The following FERRY3 variants were observed in gnomAD, a reference collection of about 807,000 sequenced individuals.
FERRY3 encodes protein C12orf4.
the FERRY3 span, among the ~76,000 whole-genome samples, chr12:4,492,130 C>T: frequency 1.3e-5 from 2 of 151,988 alleles, no homozygotes; most frequent in African/African-American, 4.8e-5. Flanking sequence ...TTATTGCATT[C>T]AGAATTAAAA....
chr12:4,527,149 T>C, the FERRY3 span, among the ~76,000 whole-genome samples: 2 of 152,144 alleles, frequency 1.3e-5, no homozygotes, highest in Admixed American at 1.3e-4. Flanking sequence ...ACATTACACA[T>C]GTTCCCTCTA....
At chr12:4,498,803 T>G in the FERRY3 span, among the ~76,000 whole-genome samples, 4 of 152,126 alleles carry the variant, frequency 2.6e-5, no homozygotes. Flanking sequence ...CATCAGGCAT[T>G]AGATTCTCAA....
At chr12:4,510,171 G>A in the FERRY3 span, among the ~76,000 whole-genome samples, 1 of 138,292 alleles carries the variant, frequency 7.2e-6, no homozygotes, top group African/African-American at 3.2e-5. Flanking sequence ...TGAATGAAAT[G>A]AAGCAAGAAG....
At chr12:4,499,120 A>T in the FERRY3 span, among the ~76,000 whole-genome samples, 1 of 152,172 alleles carries the variant, frequency 6.6e-6, no homozygotes, top group Non-Finnish European at 1.5e-5. Flanking sequence ...TCTTTTGGTA[A>T]ATAGCTATTT....
chr12:4,529,822 T>C, the FERRY3 span: 2 of 1,455,288 alleles, frequency 1.4e-6, no homozygotes, highest in East Asian at 2.4e-5. Flanking sequence ...GGCCATCTAT[T>C]TGACAACGTA....
chr12:4,504,787 A>C, the FERRY3 span, among the ~76,000 whole-genome samples: 1 of 152,190 alleles, frequency 6.6e-6, no homozygotes, highest in Non-Finnish European at 1.5e-5. Context: ...GATCTAGAAA[A>C]AAGTGAGTAC....
chr12:4,530,855 C>T, the FERRY3 span, among the ~76,000 whole-genome samples: 2 of 151,896 alleles, frequency 1.3e-5, no homozygotes, highest in African/African-American at 2.4e-5. Context: ...CTCAACTCAT[C>T]GGAGGAAACT....
At chr12:4,515,076 A>G in the FERRY3 span, among the ~76,000 whole-genome samples, 1 of 150,540 alleles carries the variant, frequency 6.6e-6, no homozygotes, top group Non-Finnish European at 1.5e-5. Flanking sequence ...AACTTAAAGT[A>G]TAATAATAAA....
At chr12:4,503,816 CT>C in the FERRY3 span, among the ~76,000 whole-genome samples, 3 of 151,786 alleles carry the variant, frequency 2.0e-5, no homozygotes, top group Admixed American at 1.3e-4. Flanking sequence ...AACCTATAGG[CT>C]TTTTCCAAAA....
the FERRY3 span, chr12:4,488,675 G>A: frequency 3.9e-5 from 6 of 152,248 alleles, no homozygotes; most frequent in Admixed American, 6.5e-5. The surrounding 1 kb of genome is among the most constrained non-coding windows in gnomAD (Gnocchi z 4.9). Context: ...AATGAAGGGC[G>A]TTTTGTTTCT....
At chr12:4,525,692 T>G in the FERRY3 span, 1 of 755,248 alleles carries the variant, frequency 1.3e-6, no homozygotes. Flanking sequence ...ATTTATTTTA[T>G]AGAAATGTGT....
chr12:4,495,237 C>T, the FERRY3 span, among the ~76,000 whole-genome samples: 1 of 152,132 alleles, frequency 6.6e-6, no homozygotes. Context: ...TATTCAAGAA[C>T]CCACATGTAG....
At chr12:4,532,992 C>T in the FERRY3 span, among the ~76,000 whole-genome samples, 3 of 152,206 alleles carry the variant, frequency 2.0e-5, no homozygotes, top group Admixed American at 2.0e-4. Context: ...CTCAATGATG[C>T]CTGGCAATCC....
chr12:4,505,541 C>G, the FERRY3 span, among the ~76,000 whole-genome samples: 2 of 152,190 alleles, frequency 1.3e-5, no homozygotes, highest in African/African-American at 4.8e-5. Flanking sequence ...TCATTTAATT[C>G]TTACAAAACC....
the FERRY3 span, chr12:4,525,152 C>A: frequency 6.5e-6 from 9 of 1,390,634 alleles, no homozygotes; most frequent in Non-Finnish European, 8.8e-6. Context: ...CTTTCACTAG[C>A]AAATTAAAAA....
At chr12:4,518,720 AAT>A in the FERRY3 span, 1 of 1,006,412 alleles carries the variant, frequency 9.9e-7, no homozygotes. Context: ...ATAATTAAAA[AAT>A]AGTTTCAGAA....
chr12:4,491,165 G>T, the FERRY3 span: 1 of 1,612,220 alleles, frequency 6.2e-7, no homozygotes. Flanking sequence ...TCAGAGAGAA[G>T]ATTATGCTCA....
At chr12:4,501,447 G>A in the FERRY3 span, among the ~76,000 whole-genome samples, 1 of 152,200 alleles carries the variant, frequency 6.6e-6, no homozygotes, top group Non-Finnish European at 1.5e-5. Flanking sequence ...GAGGTGAGCA[G>A]CCAGCAAGCA....
the FERRY3 span, chr12:4,509,155 G>A: frequency 6.7e-6 from 1 of 149,844 alleles, no homozygotes. Flanking sequence ...CTGGAAAATC[G>A]AGTCACTCCC....
Sources: gnomAD v4.1 joint callset for allele counts (sites outside exome capture counted in the v4.1 genomes callset) on GRCh38, gnomAD v4.1.1 for gene constraint, Gnocchi (gnomAD v3.1) non-coding constraint, MANE v1.5 for transcripts, NCBI Gene and HGNC (gene_info 2026-07-23, HGNC 2026-07-21) for gene names.